Variants in C6orf62 observed in about 807,000 individuals in gnomAD.
C6orf62 encodes uncharacterized protein C6orf62.
C6orf62 carries 16 observed loss-of-function variants against 26.8 expected under a neutral mutation model. The ratio of observed to expected loss-of-function variants is 0.60; its 90% CI spans 0.40 to 0.91. C6orf62 has a LOEUF of 0.91. Ranked by LOEUF, C6orf62 falls within the 40% of genes least tolerant of loss-of-function variation. The pLI, the probability that C6orf62 is intolerant of heterozygous loss-of-function variation, is 0.00. For synonymous variants in C6orf62, 112 were observed against 91.5 expected, an observed-to-expected ratio of 1.22 and a Z score of -1.28; for missense variants, 192 against 271.4, an observed-to-expected ratio of 0.71 and a Z score of 2.06.
intron 2 of C6orf62, 40 bp from the exon 3 acceptor site, chr6:24,714,480 A>T: frequency 6.8e-7 from 1 of 1,475,372 alleles, no homozygotes; most frequent in Non-Finnish European, 9.2e-7. Flanking sequence ...ACTTTTAAAG[A>T]AACAGCTACA....
intron 1 of C6orf62, among the ~76,000 whole-genome samples, chr6:24,717,239 C>T (rs914509166): frequency 1.3e-5 from 2 of 152,102 alleles, no homozygotes; most frequent in African/African-American, 4.8e-5. Context: ...CAATTTGGGG[C>T]AATATATAGA....
chr6:24,713,783 C>A (rs1201023425), intron 3 of C6orf62, among the ~76,000 whole-genome samples: 1 of 151,976 alleles, frequency 6.6e-6, no homozygotes, highest in African/African-American at 2.4e-5. Context: ...GAGTAAATGC[C>A]CTTAACACTA....
intron 4 of C6orf62, among the ~76,000 whole-genome samples, chr6:24,707,686 A>C (rs1490093427): frequency 6.6e-6 from 1 of 151,922 alleles, no homozygotes; most frequent in Non-Finnish European, 1.5e-5. Context: ...GGATCTTTTA[A>C]ATATATGTCC....
intron 3 of C6orf62, among the ~76,000 whole-genome samples, chr6:24,711,895 A>G (rs1779127886): frequency 6.6e-6 from 1 of 152,162 alleles, no homozygotes; most frequent in African/African-American, 2.4e-5. Flanking sequence ...TACTGCTTAC[A>G]CTCAGTCCAG....
chr6:24,710,830 C>T (rs960082410), intron 3 of C6orf62, among the ~76,000 whole-genome samples: 2 of 151,936 alleles, frequency 1.3e-5, no homozygotes, highest in African/African-American at 4.8e-5. Flanking sequence ...GAGATCCTAT[C>T]TCTACAAAAA....
intron 2 of C6orf62, among the ~76,000 whole-genome samples, chr6:24,714,945 G>C (rs569157601): frequency 2.0e-5 from 3 of 152,188 alleles, no homozygotes; most frequent in African/African-American, 7.2e-5. Flanking sequence ...CTTACAGAGA[G>C]TCACATACAC....
chr6:24,709,633 CCA>C (rs1044514485), intron 3 of C6orf62: 50 of 985,212 alleles, frequency 5.1e-5, no homozygotes, highest in African/African-American at 4.4e-4. Context: ...TGAATTTTTC[CCA>C]CAGTTAGCCT....
chr6:24,708,684 G>A, intron 4 of C6orf62, 93 bp downstream of exon 4: 5 of 1,502,800 alleles, frequency 3.3e-6, no homozygotes, highest in South Asian at 1.2e-5. Flanking sequence ...AGTGTTTGGG[G>A]GACACAACAA....
In C6orf62 at chr6:24,708,792, G is replaced by A; in HGVS notation, c.549C>T (p.Asp183=). 1.2e-6 allele frequency: 2 copies of A among 1,614,194 alleles called. No individual in the cohort carries two copies. The highest frequency in any genetic ancestry group is 1.7e-6 in the Non-Finnish European group (2 of 1,180,042). Residue 183 remains aspartate, a synonymous_variant, in exon 4 of 5, where the codon GAC becomes GAT. Transcript: ENST00000378119. ...AGCTGCTTACCTGCAAGTGCTGTCT[G>A]TCAATGAAGAGAAACACTGACTGGT... The part of the protein sequence containing the change: ...NPNQSVFLFI[D]RQHLQTPKNK...
At chr6:24,720,062 T>C (rs1181920316), upstream of C6orf62, 63 of 1,222,660 alleles carry the variant, frequency 5.2e-5, no homozygotes, top group Non-Finnish European at 1.0e-5. Flanking sequence ...TAGCTCTCTC[T>C]CACGTTGAAC....
At chr6:24,717,929 C>G (rs1377137172) in intron 1 of C6orf62, among the ~76,000 whole-genome samples, 3 of 152,192 alleles carry the variant, frequency 2.0e-5, no homozygotes, top group Non-Finnish European at 4.4e-5. Context: ...AAGACCTCCA[C>G]CGCCCCTAAA....
At chr6:24,708,566 G>C (rs1447754790) in intron 4 of C6orf62, among the ~76,000 whole-genome samples, 1 of 152,104 alleles carries the variant, frequency 6.6e-6, no homozygotes, top group Non-Finnish European at 1.5e-5. Flanking sequence ...TGGAATTCCT[G>C]AGCTCAAGCA....
At chr6:24,716,728 CTTT>C (rs562976400) in intron 1 of C6orf62, among the ~76,000 whole-genome samples, 1 of 145,500 alleles carries the variant, frequency 6.9e-6, no homozygotes. Flanking sequence ...TCTGGTTTTT[CTTT>C]TTTTTTTTTG....
intron 3 of C6orf62, chr6:24,710,019 C>G: frequency 1.0e-6 from 1 of 984,230 alleles, no homozygotes; most frequent in Non-Finnish European, 1.2e-6. Flanking sequence ...AAATATGATA[C>G]AGCATCACAA....
rs140541841 is a variant in C6orf62, at chr6:24,718,652, G to C, written c.17C>G (p.Ser6Cys). 337 of 1,613,744 alleles carry C rather than the reference G, an allele frequency of 2.1e-4. No homozygotes were observed. The highest frequency in any genetic ancestry group is 2.7e-4 in the Non-Finnish European group (318 of 1,179,988). Reference sequence around the variant, plus strand: ...TCTGTTCAGAGCTTGTTTCTTCCGGGAGTTTGGGTCCCCCATTTTGAAATA... The same window carrying C: ...TCTGTTCAGAGCTTGTTTCTTCCGGCAGTTTGGGTCCCCCATTTTGAAATA... MGDPN[S>C]RKKQALNRLR... The change falls in exon 1 of 5, where the codon TCC (serine) becomes TGC (cysteine). Residue 6 changes from serine to cysteine, a missense_variant. Transcript: ENST00000378119.
intron 1 of C6orf62, among the ~76,000 whole-genome samples, chr6:24,716,565 G>A (rs937182492): frequency 1.3e-5 from 2 of 152,002 alleles, no homozygotes; most frequent in Admixed American, 6.6e-5. Flanking sequence ...TAGCATAATG[G>A]TATCCATAGC....
chr6:24,708,706 G>T lies in C6orf62; in HGVS notation c.564+71C>A, dbSNP rs181103615. On this transcript the variant is annotated intron_variant, in intron 4 of 4. Coordinates refer to ENST00000378119, the MANE Select transcript of C6orf62 (RefSeq NM_030939.5). ...GGGGGACACAACAATTAAGTAACTT[G>T]TATATAAAACGTTTACTAACCAATA... 9.3e-5 allele frequency: 146 copies of T among 1,571,172 alleles called. No individual in the cohort carries two copies. The East Asian group carries it at 3.2e-3, about 35-fold the overall frequency.
intron 4 of C6orf62, among the ~76,000 whole-genome samples, chr6:24,707,404 G>C (rs959315090): frequency 6.6e-6 from 1 of 151,524 alleles, no homozygotes. Flanking sequence ...CATTACTCAG[G>C]CAGGAGTGTG....
chr6:24,718,721 C>T lies in C6orf62; in HGVS notation c.-53G>A, dbSNP rs1755750036. The stretch of plus-strand genomic sequence containing the variant: ...TTGGAAATTGTCACTAAACTATGGG[C>T]ACTTTTTCTTAAGACTCAAGTACAA... On this transcript the variant is annotated 5_prime_UTR_variant, in exon 1 of 5. Coordinates refer to ENST00000378119, the MANE Select transcript of C6orf62 (RefSeq NM_030939.5). 6.3e-7 allele frequency: 1 copy of T among 1,598,964 alleles called. No individual in the cohort carries two copies. The highest frequency in any genetic ancestry group is 8.5e-7 in the Non-Finnish European group (1 of 1,176,694).
Sources: gnomAD v4.1 joint callset for allele counts (sites outside exome capture counted in the v4.1 genomes callset) on GRCh38, gnomAD v4.1.1 for gene constraint, MANE v1.5 for transcripts, NCBI Gene and HGNC (gene_info 2026-07-23, HGNC 2026-07-21) for gene names.